The following CEP57 variants were observed in gnomAD, a reference collection of about 807,000 sequenced individuals.
CEP57 encodes the protein centrosomal protein 57.
A neutral mutation model predicts 68.0 loss-of-function variants in CEP57; 40 were observed. The ratio of observed to expected loss-of-function variants is 0.59; its 90% confidence interval spans 0.46 to 0.77. The LOEUF is 0.77. Among genes scored for constraint, CEP57 ranks in the 30% least tolerant of loss-of-function variants. The probability of loss-of-function intolerance (pLI) is 0.00; values close to 1 mark genes in which losing one functional copy is unlikely to be tolerated. For synonymous variants in CEP57, 219 were observed against 198.7 expected, an observed-to-expected ratio of 1.10 and a Z score of -0.86; for missense variants, 606 against 580.7, an observed-to-expected ratio of 1.04 and a Z score of -0.45.
chr11:95,798,520 C>G (rs1009413157), intron 1 of CEP57, among the ~76,000 whole-genome samples: 1 of 152,170 alleles, frequency 6.6e-6, no homozygotes, highest in Non-Finnish European at 1.5e-5. Context: ...GTCATATCTT[C>G]CACCTTAGCC....
intron 1 of CEP57, among the ~76,000 whole-genome samples, chr11:95,794,539 T>A (rs372565632): frequency 6.6e-5 from 10 of 152,248 alleles, no homozygotes; most frequent in African/African-American, 2.4e-4. Context: ...CATTGGTGAG[T>A]ATGCACCCTG....
At chr11:95,821,713 C>T (rs1184441983) in intron 6 of CEP57, among the ~76,000 whole-genome samples, 158 bp from the exon 7 acceptor site, 2 of 152,060 alleles carry the variant, frequency 1.3e-5, no homozygotes, top group South Asian at 2.1e-4. Flanking sequence ...ATTTGACAAA[C>T]GTTGATAGAT....
At chr11:95,829,481 G>A in intron 10 of CEP57, 150 bp downstream of exon 10, 2 of 847,178 alleles carry the variant, frequency 2.4e-6, no homozygotes, top group South Asian at 1.5e-5. Flanking sequence ...TTGAGAATTG[G>A]TAAGTGGATT....
chr11:95,814,069 A>AAATAGGG (rs140147944), intron 4 of CEP57, among the ~76,000 whole-genome samples: 2 of 151,970 alleles, frequency 1.3e-5, no homozygotes, highest in Non-Finnish European at 2.9e-5. Context: ...AATTGATTGG[A>AAATAGGG]TCTCACTCTG....
intron 2 of CEP57, among the ~76,000 whole-genome samples, chr11:95,806,406 G>A (rs1400828509): frequency 6.6e-6 from 1 of 152,196 alleles, no homozygotes; most frequent in African/African-American, 2.4e-5. Context: ...TGGAGTATGA[G>A]CCGAAGCAGG....
At chr11:95,794,576 G>A (rs1861254571) in intron 1 of CEP57, among the ~76,000 whole-genome samples, 1 of 152,026 alleles carries the variant, frequency 6.6e-6, no homozygotes, top group Admixed American at 6.5e-5. Context: ...ACTAGTGTGT[G>A]TGTGTGTGTT....
rs570978492 is a variant in CEP57, at chr11:95,819,050, A to G, written c.699+146A>G. On this transcript the variant is annotated intron_variant, in intron 6 of 10. Transcript: ENST00000325542. ...TTTCAGATATAGGTTAATGTAGAAAATTATGAACAAGTATTTTTATAGACA... is the reference window on the plus strand; with the variant it reads ...TTTCAGATATAGGTTAATGTAGAAAGTTATGAACAAGTATTTTTATAGACA... 10 of 684,194 alleles carry G rather than the reference A, an allele frequency of 1.5e-5. No individual in the cohort carries two copies. In the East Asian group the frequency reaches 2.8e-4, roughly 19 times the overall value. 42.4% of individuals were successfully genotyped at this position (684,194 alleles called of 1,614,324 possible).
In CEP57 at chr11:95,799,298, G is replaced by C. The variant is rs761491146; in HGVS notation, c.112G>C (p.Val38Leu). Residue 38 changes from valine to leucine, a missense_variant, in exon 2 of 11, where the codon GTA becomes CTA. By Grantham distance (32) the Val-to-Leu change is conservative. Coordinates refer to ENST00000325542, the MANE Select transcript of CEP57 (RefSeq NM_014679.5). The stretch of plus-strand genomic sequence containing the variant: ...TCGGCATTCTTCATCTCCATATGTA[G>C]TATATCCTTCGGATAAGCCTTTCCT... ...MVRHSSSPYVVYPSDKPFLNS... is the reference protein window; with the variant it reads ...MVRHSSSPYVLYPSDKPFLNS... 2.5e-6 allele frequency: 4 copies of C among 1,614,102 alleles called. No individual in the cohort carries two copies. The highest frequency in any genetic ancestry group is 1.1e-5 in the South Asian group (1 of 91,084).
At chr11:95,808,559 G>A (rs774050975) in intron 2 of CEP57, among the ~76,000 whole-genome samples, 2 of 152,166 alleles carry the variant, frequency 1.3e-5, no homozygotes, top group East Asian at 3.9e-4. Flanking sequence ...AAAAAGGCAG[G>A]GGTTGCAATC....
intron 2 of CEP57, among the ~76,000 whole-genome samples, chr11:95,810,815 AC>A (rs553425424): frequency 3.2e-4 from 49 of 152,322 alleles, no homozygotes; most frequent in African/African-American, 1.2e-3. Flanking sequence ...TCAAGCTACC[AC>A]TGACTTTCGT....
chr11:95,826,596 G>A (rs1456638488), intron 8 of CEP57: 1 of 138,728 alleles, frequency 7.2e-6, no homozygotes, highest in Non-Finnish European at 1.5e-5. Flanking sequence ...CTTAAAAGTT[G>A]AAGGAAAAAA....
At chr11:95,815,415 A>G (rs1397509814) in intron 4 of CEP57, among the ~76,000 whole-genome samples, 1 of 152,160 alleles carries the variant, frequency 6.6e-6, no homozygotes. Flanking sequence ...TTTGAACGCT[A>G]TAAACAATTC....
At chr11:95,822,710 G>C in intron 8 of CEP57, 134 bp downstream of exon 8, 1 of 435,014 alleles carries the variant, frequency 2.3e-6, no homozygotes, top group Non-Finnish European at 4.5e-6. Context: ...ACAGTGATGT[G>C]AAAATGAGAT....
intron 10 of CEP57, among the ~76,000 whole-genome samples, chr11:95,830,118 T>A (rs1018808048): frequency 2.0e-5 from 3 of 152,226 alleles, no homozygotes; most frequent in African/African-American, 7.2e-5. Flanking sequence ...CCAAGTGCTC[T>A]GAGTATATCT....
At chr11:95,826,083 C>T (rs1344381142) in intron 8 of CEP57, 2 of 152,232 alleles carry the variant, frequency 1.3e-5, no homozygotes, top group African/African-American at 4.8e-5. Flanking sequence ...AATGTGCTAG[C>T]CTCTCCTGCC....
intron 2 of CEP57, among the ~76,000 whole-genome samples, chr11:95,811,650 A>G (rs112590267): frequency 0.037 from 5,601 of 152,194 alleles, 157 homozygotes; most frequent in South Asian, 0.087. Context: ...TCTGTACATC[A>G]AAACTAGAAT....
Position 95,811,153 on chromosome 11 carries a change from C to T in CEP57, c.203-1779C>T, listed in dbSNP as rs181092715. Among the ~76,000 whole-genome samples the T allele has an allele frequency of 6.8e-3, 1,040 of 152,196 alleles. 16 individuals carry two copies. Among genetic ancestry groups the T allele is most frequent in the African/African-American group, 0.023 (973 of 41,508 alleles). On this transcript the variant is annotated intron_variant, in intron 2 of 10. Coordinates refer to ENST00000325542, the MANE Select transcript of CEP57 (RefSeq NM_014679.5). ...ATACACATGTATGTTTATTGCGGCA[C>T]GGTTCACAATAGCAAAGACTTGGAA...
At chr11:95,829,421 CAT>C (rs1862907496) in intron 10 of CEP57, 90 bp downstream of exon 10, 1 of 1,288,654 alleles carries the variant, frequency 7.8e-7, no homozygotes. Flanking sequence ...CTAAGTGTAT[CAT>C]AGATAAATAT....
intron 8 of CEP57, among the ~76,000 whole-genome samples, chr11:95,825,268 T>A (rs1423020858): frequency 6.6e-6 from 1 of 152,158 alleles, no homozygotes; most frequent in Non-Finnish European, 1.5e-5. Context: ...AGCCATCAAG[T>A]CTGAAATAAT....
Sources: gnomAD v4.1 joint callset for allele counts (sites outside exome capture counted in the v4.1 genomes callset) on GRCh38, gnomAD v4.1.1 for gene constraint, MANE v1.5 for transcripts, NCBI Gene and HGNC (gene_info 2026-07-23, HGNC 2026-07-21) for gene names.